Variants in SAXO1 observed in about 807,000 individuals in gnomAD.
SAXO1 encodes 4930500O09Rik.
Under a neutral mutation model 17.5 loss-of-function variants are expected in SAXO1, and 21 were observed. The observed-to-expected ratio is 1.20, with a 90% CI of 0.85 to 1.72. SAXO1 has a LOEUF of 1.72. Among genes scored for constraint, SAXO1 ranks in the 40% most tolerant of loss-of-function variants. SAXO1 has a pLI of 0.00. For synonymous variants in SAXO1, 274 were observed against 216.5 expected, an observed-to-expected ratio of 1.27 and a Z score of -2.33; for missense variants, 843 against 596.0, an observed-to-expected ratio of 1.41 and a Z score of -4.32.
At chr9:19,025,734 A>T (rs1271293789) in intron 1 of SAXO1, among the ~76,000 whole-genome samples, 1 of 152,228 alleles carries the variant, frequency 6.6e-6, no homozygotes, top group East Asian at 1.9e-4. Flanking sequence ...TAAGCTGTAA[A>T]ATAATCAGAT....
intron 2 of SAXO1, among the ~76,000 whole-genome samples, chr9:18,950,376 C>T (rs994509899): frequency 6.6e-6 from 1 of 152,168 alleles, no homozygotes; most frequent in African/African-American, 2.4e-5. Context: ...CCATCCCCCA[C>T]CTACCCAAGC....
upstream of SAXO1, among the ~76,000 whole-genome samples, chr9:19,034,482 T>C (rs1835883775): frequency 6.6e-6 from 1 of 152,252 alleles, no homozygotes; most frequent in South Asian, 2.1e-4. Context: ...AATAAAGTTT[T>C]GAATTTTTTC....
At chr9:18,950,257 G>T (rs1831974555) in intron 2 of SAXO1, among the ~76,000 whole-genome samples, 1 of 150,538 alleles carries the variant, frequency 6.6e-6, no homozygotes, top group Admixed American at 6.7e-5. Context: ...CTTTCTTGAA[G>T]AACATTCAGG....
intron 1 of SAXO1, among the ~76,000 whole-genome samples, chr9:18,956,110 AT>A (rs34950206): frequency 0.63 from 80,418 of 128,406 alleles, 25,194 homozygotes; most frequent in Non-Finnish European, 0.72. Flanking sequence ...AACCTGGCTA[AT>A]TTTTTTTTTT....
At chr9:18,991,482 C>T (rs192563601) in intron 1 of SAXO1, among the ~76,000 whole-genome samples, 37 of 152,154 alleles carry the variant, frequency 2.4e-4, no homozygotes, top group Admixed American at 2.4e-3. Flanking sequence ...AACCAAACAC[C>T]GTACATTCTC....
intron 1 of SAXO1, among the ~76,000 whole-genome samples, chr9:19,009,483 C>T (rs893861291): frequency 4.6e-5 from 7 of 152,044 alleles, no homozygotes; most frequent in Admixed American, 3.3e-4. Flanking sequence ...AGTTATAAGA[C>T]GTGGCAAAAA....
intron 1 of SAXO1, among the ~76,000 whole-genome samples, chr9:19,000,153 A>G (rs1198199678): frequency 6.6e-6 from 1 of 151,300 alleles, no homozygotes; most frequent in African/African-American, 2.4e-5. Context: ...GGAAGTGAGG[A>G]GCACCTCTGC....
At chr9:18,954,586 C>G (rs1832174814) in intron 1 of SAXO1, among the ~76,000 whole-genome samples, 1 of 152,158 alleles carries the variant, frequency 6.6e-6, no homozygotes, top group Admixed American at 6.6e-5. Flanking sequence ...ATCCACCTAC[C>G]TCAGCCACGC....
At chr9:18,988,851 A>G (rs917707308) in intron 1 of SAXO1, among the ~76,000 whole-genome samples, 6 of 152,184 alleles carry the variant, frequency 3.9e-5, no homozygotes, top group East Asian at 1.9e-4. Context: ...TCGCTTTATA[A>G]TGATTCACTT....
At chr9:18,983,270 C>T (rs1157947487) in intron 1 of SAXO1, among the ~76,000 whole-genome samples, 1 of 152,096 alleles carries the variant, frequency 6.6e-6, no homozygotes, top group African/African-American at 2.4e-5. Flanking sequence ...CAAGGCATGT[C>T]TTACATGGCA....
At chr9:19,031,927 G>T (rs1460530766) in intron 1 of SAXO1, among the ~76,000 whole-genome samples, 1 of 152,116 alleles carries the variant, frequency 6.6e-6, no homozygotes, top group Non-Finnish European at 1.5e-5. Flanking sequence ...ATTTTTATAT[G>T]CATGTGTCAT....
rs375065197 is a variant in SAXO1, at chr9:18,938,500, G to A, written c.421+3137C>T. ...ACGCTTCTAAACAAGCAGATCTCAG[G>A]GGAACTCACTCATTTTACAGTACTA... On this transcript the variant is annotated intron_variant, in intron 3 of 3. Transcript: ENST00000380534. Among the ~76,000 whole-genome samples the A allele has an allele frequency of 4.2e-3, 641 of 152,068 alleles. 18 individuals are homozygous for A. The South Asian group carries it at 0.08, about 19-fold the overall frequency.
rs78764237 is a variant in SAXO1, at chr9:18,995,459, T to C, written c.38+37412A>G. Among the ~76,000 whole-genome samples, 1,120 of 152,284 alleles carry C rather than the reference T, an allele frequency of 7.4e-3. 10 individuals are homozygous for C. Among genetic ancestry groups the C allele is most frequent in the African/African-American group, 0.026 (1,064 of 41,566 alleles). On this transcript the variant is annotated intron_variant, in intron 1 of 3. Transcript: ENST00000380534. ...GGTCACCTAGGCTTACTGTCTGAAGTAGAATTTGTGATTCCAAGCCCTGCT... is the reference window on the plus strand; with the variant it reads ...GGTCACCTAGGCTTACTGTCTGAAGCAGAATTTGTGATTCCAAGCCCTGCT...
chr9:18,953,796 G>A (rs186158368), intron 1 of SAXO1, among the ~76,000 whole-genome samples: 5 of 152,314 alleles, frequency 3.3e-5, no homozygotes, highest in African/African-American at 1.2e-4. Context: ...TGGATAAACA[G>A]TGTGTAAGAG....
rs1235712836 is a variant in SAXO1 at position 18,933,214 on chromosome 9, C to T, written c.422-4159G>A. The stretch of plus-strand genomic sequence containing the variant: ...CAGGCTGAGGAAGTTTCCTTCTAGT[C>T]CTAAGCTTGTTGAGAGCTTTTATGA... On this transcript the variant is annotated intron_variant, in intron 3 of 3. Coordinates refer to ENST00000380534, the MANE Select transcript of SAXO1 (RefSeq NM_153707.4). Among the ~76,000 whole-genome samples the T allele has an allele frequency of 2.0e-5, 3 of 152,242 alleles. 1 individual carries two copies. Among genetic ancestry groups the T allele is most frequent in the Middle Eastern group, 6.8e-3 (2 of 294 alleles).
At chr9:18,989,368 T>C (rs966628193) in intron 1 of SAXO1, among the ~76,000 whole-genome samples, 13 of 152,182 alleles carry the variant, frequency 8.5e-5, no homozygotes, top group African/African-American at 1.9e-4. Context: ...ACTGTCTGCA[T>C]TGATGTTTAT....
intron 1 of SAXO1, among the ~76,000 whole-genome samples, chr9:18,960,926 G>C (rs970808023): frequency 2.2e-4 from 34 of 152,044 alleles, no homozygotes; most frequent in Non-Finnish European, 4.1e-4. Context: ...AGAGAGTGAG[G>C]GTGAAGGGGC....
At chr9:18,976,889 C>G (rs1298727640) in intron 1 of SAXO1, among the ~76,000 whole-genome samples, 1 of 152,240 alleles carries the variant, frequency 6.6e-6, no homozygotes, top group African/African-American at 2.4e-5. Flanking sequence ...TGAAAGTCCT[C>G]AAGTTTCATC....
At chr9:18,957,466 C>T (rs377524010) in intron 1 of SAXO1, among the ~76,000 whole-genome samples, 2 of 152,154 alleles carry the variant, frequency 1.3e-5, no homozygotes, top group East Asian at 3.9e-4. Context: ...ACCTGACCTC[C>T]ACTTACAATC....
Sources: gnomAD v4.1 joint callset for allele counts (sites outside exome capture counted in the v4.1 genomes callset) on GRCh38, gnomAD v4.1.1 for gene constraint, MANE v1.5 for transcripts, NCBI Gene and HGNC (gene_info 2026-07-23, HGNC 2026-07-21) for gene names.